Variants in PCDHA3 observed in about 807,000 individuals in gnomAD.
The protein encoded by PCDHA3 is protocadherin alpha-3.
PCDHA3 carries 41 observed loss-of-function variants against 62.2 expected under a neutral mutation model. The observed-to-expected ratio is 0.66, with a 90% CI of 0.51 to 0.86. PCDHA3 has a LOEUF of 0.86. Among genes scored for constraint, PCDHA3 ranks in the 40% least tolerant of loss-of-function variants. PCDHA3 has a pLI of 0.00. For missense variants in PCDHA3, 1,304 were observed against 1,241.2 expected, an observed-to-expected ratio of 1.05 and a Z score of -0.76; for synonymous variants, 640 against 555.4, an observed-to-expected ratio of 1.15 and a Z score of -2.14.
At chr5:140,823,993 T>C in intron 1 of PCDHA3, 1 of 1,613,980 alleles carries the variant, frequency 6.2e-7, no homozygotes, top group Non-Finnish European at 8.5e-7. Context: ...CACTCTGTTG[T>C]GCTCCAGCGC....
rs146195620 is a variant in PCDHA3, at chr5:140,842,865, G to A, written c.2394+39274G>A. The A allele has an allele frequency of 1.3e-6, 2 of 1,593,868 alleles. 1 individual carries two copies. The highest frequency in any genetic ancestry group is 1.7e-6 in the Non-Finnish European group (2 of 1,165,400). ...TACATTTCGGTGCACACGGAGAGCGGCAAGGTGTACGCGCTGCAGCCGCTG... is the reference window on the plus strand; with the variant it reads ...TACATTTCGGTGCACACGGAGAGCGACAAGGTGTACGCGCTGCAGCCGCTG... On this transcript the variant is annotated intron_variant, in intron 1 of 3. Coordinates refer to ENST00000522353, the MANE Select transcript of PCDHA3 (RefSeq NM_018906.3).
intron 1 of PCDHA3, chr5:140,835,866 G>A (rs2150246890): frequency 6.2e-7 from 1 of 1,612,132 alleles, no homozygotes. Context: ...CTACTCGCTG[G>A]TGGAGCTGCG....
intron 1 of PCDHA3, chr5:140,823,024 G>C (rs2150121461): frequency 2.2e-5 from 36 of 1,614,202 alleles, no homozygotes; most frequent in South Asian, 3.3e-5. Context: ...CCGCGAGAGC[G>C]TGTCGGTCTA....
intron 1 of PCDHA3, chr5:140,848,676 C>T: frequency 6.3e-7 from 1 of 1,592,292 alleles, no homozygotes; most frequent in South Asian, 1.1e-5. Flanking sequence ...GGAGCTGGTG[C>T]CGCGCCTGTT....
intron 1 of PCDHA3, chr5:140,969,215 C>G (rs782320507): frequency 6.2e-7 from 1 of 1,614,128 alleles, no homozygotes; most frequent in South Asian, 1.1e-5. Flanking sequence ...CCAGACAGGA[C>G]CAGGGCCTTC....
chr5:140,841,942 G>T (rs2150326049), intron 1 of PCDHA3: 2 of 1,613,920 alleles, frequency 1.2e-6, no homozygotes, highest in Non-Finnish European at 1.7e-6. Flanking sequence ...ACGCTCCTGC[G>T]CACCACTTAT....
chr5:140,935,080 C>G (rs1163743447), intron 1 of PCDHA3, among the ~76,000 whole-genome samples: 2 of 152,076 alleles, frequency 1.3e-5, no homozygotes, highest in Non-Finnish European at 2.9e-5. Context: ...TGTACATTTC[C>G]TTTCCCAGAA....
intron 1 of PCDHA3, chr5:140,836,240 C>G: frequency 6.2e-7 from 1 of 1,613,780 alleles, no homozygotes; most frequent in Non-Finnish European, 8.5e-7. Context: ...CCGGTGCGAG[C>G]ATCCCGTTCC....
At chr5:140,911,818 A>T (rs1472874528) in intron 1 of PCDHA3, among the ~76,000 whole-genome samples, 2 of 152,210 alleles carry the variant, frequency 1.3e-5, no homozygotes, top group African/African-American at 2.4e-5. Flanking sequence ...CCTTCTCCAG[A>T]AACCCCAAAA....
chr5:140,857,791 G>A, intron 1 of PCDHA3: 2 of 1,597,714 alleles, frequency 1.3e-6, no homozygotes, highest in Non-Finnish European at 1.7e-6. Context: ...AGCTGGTGCT[G>A]CGGTCGGTGG....
intron 1 of PCDHA3, chr5:140,867,266 A>G (rs553827522): frequency 2.6e-5 from 4 of 152,196 alleles, no homozygotes; most frequent in African/African-American, 9.6e-5. Flanking sequence ...CTTTTGTTCA[A>G]AATAAACCTG....
intron 1 of PCDHA3, chr5:140,927,103 C>T: frequency 6.2e-7 from 1 of 1,613,768 alleles, no homozygotes; most frequent in Non-Finnish European, 8.5e-7. Flanking sequence ...GGTGGATCTA[C>T]CCAGCGGCAA....
At chr5:140,834,316 G>A (rs1772899849) in intron 1 of PCDHA3, 1 of 1,378,132 alleles carries the variant, frequency 7.3e-7, no homozygotes, top group Non-Finnish European at 1.0e-6. Context: ...TGAAATGAAG[G>A]GATAAAAACA....
At chr5:140,862,318 A>C (rs2153223303) in intron 1 of PCDHA3, 1 of 317,904 alleles carries the variant, frequency 3.1e-6, no homozygotes, top group African/African-American at 2.2e-5. Context: ...TCATAGCCCT[A>C]ATCAGTGTAA....
chr5:140,966,859 G>A, intron 1 of PCDHA3: 1 of 1,577,136 alleles, frequency 6.3e-7, no homozygotes. Flanking sequence ...TCCTGCTGCT[G>A]TTGCTGCTGC....
chr5:140,822,286 T>C, intron 1 of PCDHA3: 2 of 1,614,248 alleles, frequency 1.2e-6, no homozygotes, highest in Non-Finnish European at 1.7e-6. Flanking sequence ...GAGATACAGG[T>C]TAAATCCAAA....
chr5:140,841,457 G>T (rs2150315897), intron 1 of PCDHA3: 1 of 1,612,920 alleles, frequency 6.2e-7, no homozygotes, highest in South Asian at 1.1e-5. Flanking sequence ...CACCTTCGTG[G>T]GCCGGATCGC....
intron 1 of PCDHA3, chr5:140,875,400 T>C: frequency 6.7e-7 from 1 of 1,485,268 alleles, no homozygotes; most frequent in Admixed American, 2.6e-5. Flanking sequence ...AAAGGGTGAC[T>C]GCTCATAAAA....
intron 1 of PCDHA3, among the ~76,000 whole-genome samples, chr5:140,944,319 C>T (rs1386940921): frequency 6.6e-6 from 1 of 152,104 alleles, no homozygotes. Context: ...TCCTGAGTAG[C>T]TGGGATTACA....
Sources: allele counts gnomAD v4.1 joint callset (sites outside exome capture counted in the v4.1 genomes callset), GRCh38; gene constraint gnomAD v4.1.1; transcripts MANE v1.5; gene names NCBI Gene and HGNC (gene_info 2026-07-23, HGNC 2026-07-21).